Variants in KLF3 observed in about 807,000 individuals in gnomAD.
KLF3 encodes the protein Krueppel-like factor 3.
Under a neutral mutation model 32.7 loss-of-function variants are expected in KLF3, and 6 were observed. The ratio of observed to expected loss-of-function variants is 0.18; its 90% CI spans 0.10 to 0.36. The LOEUF is 0.36. KLF3 is among the 10% of genes least tolerant of loss of function. The probability of loss-of-function intolerance (pLI) is 1.00; values close to 1 mark genes in which losing one functional copy is unlikely to be tolerated. For synonymous variants in KLF3, 145 were observed against 172.8 expected (o/e 0.84, Z 1.26); for missense variants, 338 against 449.7 (o/e 0.75, Z 2.25).
chr4:38,683,482 C>G (rs894447515), intron 2 of KLF3, among the ~76,000 whole-genome samples: 2 of 152,060 alleles, frequency 1.3e-5, no homozygotes, highest in African/African-American at 2.4e-5. Context: ...AGGAGACTCT[C>G]CCTCCCCAAG....
At chr4:38,682,542 G>A (rs1190863794) in intron 2 of KLF3, among the ~76,000 whole-genome samples, 1 of 152,178 alleles carries the variant, frequency 6.6e-6, no homozygotes, top group Non-Finnish European at 1.5e-5. Flanking sequence ...TACAATTGGT[G>A]CAGAGCCATC....
rs1438573239 is a variant in KLF3 at position 38,674,795 on chromosome 4, C to T, written c.-39-5792C>T. Among the ~76,000 whole-genome samples, 1 of 142,586 alleles carries T rather than the reference C, an allele frequency of 7.0e-6. No individual in the cohort carries two copies. The highest frequency in any genetic ancestry group is 2.7e-5 in the African/African-American group (1 of 37,642). 93.5% of individuals were successfully genotyped at this position (142,586 alleles called of 152,430 possible). ...TAACCCCAAGAAACAGGAAACTGCT[C>T]CTGATACGTACACATTCTCTCTCCA... On this transcript the variant is annotated intron_variant, in intron 1 of 5. Coordinates refer to ENST00000261438, the MANE Select transcript of KLF3 (RefSeq NM_016531.6). This position sits in a 1 kb window ranked among gnomAD's most constrained non-coding sequence, Gnocchi z 4.1.
intron 5 of KLF3, among the ~76,000 whole-genome samples, chr4:38,696,869 TCTC>T (rs1335072133): frequency 6.6e-6 from 1 of 152,186 alleles, no homozygotes; most frequent in Non-Finnish European, 1.5e-5. Flanking sequence ...CTCTTAAAAT[TCTC>T]CTCCCGTTTT....
intron 5 of KLF3, among the ~76,000 whole-genome samples, chr4:38,696,220 G>A (rs1238368071): frequency 6.7e-6 from 1 of 148,488 alleles, no homozygotes; most frequent in East Asian, 2.0e-4. Flanking sequence ...GCCTCTTTGT[G>A]TGTGTATTCT....
chr4:38,690,583 A>C (rs1038728674), intron 4 of KLF3: 1 of 151,984 alleles, frequency 6.6e-6, no homozygotes, highest in Non-Finnish European at 1.5e-5. Flanking sequence ...TTGCTGCCCC[A>C]TTTCTGTTTT....
intron 3 of KLF3, 130 bp downstream of exon 3, chr4:38,689,201 G>A (rs942806158): frequency 1.2e-5 from 14 of 1,168,388 alleles, no homozygotes; most frequent in Non-Finnish European, 1.7e-5. Flanking sequence ...TCTGCCTAAG[G>A]CATTTCCTTC....
intron 2 of KLF3, among the ~76,000 whole-genome samples, chr4:38,685,927 C>T (rs1722679518): frequency 6.6e-6 from 1 of 152,132 alleles, no homozygotes; most frequent in African/African-American, 2.4e-5. Context: ...GAACCTTGTG[C>T]CTCTTTTAAT....
chr4:38,667,194 A>G lies in KLF3; in HGVS notation c.-40+2733A>G, dbSNP rs186828755. 2.6e-5 allele frequency among the ~76,000 whole-genome samples: 4 copies of G among 152,276 alleles called. No individual in the cohort carries two copies. The East Asian group carries it at 5.8e-4, about 22-fold the overall frequency. On this transcript the variant is annotated intron_variant, in intron 1 of 5. Transcript: ENST00000261438. Reference sequence around the variant, plus strand: ...TAAAAAACTCCAGCTGCTCATGAATATAGGGTCAGGGAGGGCCGGCTAAAT... The same window carrying G: ...TAAAAAACTCCAGCTGCTCATGAATGTAGGGTCAGGGAGGGCCGGCTAAAT...
Position 38,688,172 on chromosome 4 carries a change from C to T in KLF3, c.58-413C>T, listed in dbSNP as rs1396019656. On this transcript the variant is annotated intron_variant, in intron 2 of 5. Coordinates refer to ENST00000261438, the MANE Select transcript of KLF3 (RefSeq NM_016531.6). This position sits in a 1 kb window ranked among gnomAD's most constrained non-coding sequence, Gnocchi z 4.9. Reference sequence around the variant, plus strand: ...TTTCCTGCTCATCAAGAAACCCCACCAGAAAAGCAACCAGGTTGGTTTGGC... The same window carrying T: ...TTTCCTGCTCATCAAGAAACCCCACTAGAAAAGCAACCAGGTTGGTTTGGC... Among the ~76,000 whole-genome samples the T allele has an allele frequency of 6.6e-6, 1 of 152,216 alleles. No individual in the cohort carries two copies. Among genetic ancestry groups the T allele is most frequent in the Non-Finnish European group, 1.5e-5 (1 of 68,038 alleles).
Position 38,671,510 on chromosome 4 carries a change from G to A in KLF3, c.-40+7049G>A, listed in dbSNP as rs542032666. ...ACTAATGTAAACAGACTGTCCCCAC[G>A]TTCTGTCTTCTCCGGGGACCAACCT... On this transcript the variant is annotated intron_variant, in intron 1 of 5. Transcript: ENST00000261438. The surrounding 1 kb of genome is among the most constrained non-coding windows in gnomAD (Gnocchi z 4.4). 7.8e-4 allele frequency among the ~76,000 whole-genome samples: 119 copies of A among 152,282 alleles called. No homozygotes were observed. Among genetic ancestry groups the A allele is most frequent in the African/African-American group, 2.5e-3 (104 of 41,550 alleles).
chr4:38,690,969 A>G (rs572167917), intron 4 of KLF3, among the ~76,000 whole-genome samples: 1 of 152,242 alleles, frequency 6.6e-6, no homozygotes, highest in African/African-American at 2.4e-5. Context: ...TTGGGTTGTC[A>G]TATGCTCCCC....
In KLF3 at chr4:38,692,535, C is replaced by T. The variant is rs184668875; in HGVS notation, c.696-2211C>T. On this transcript the variant is annotated intron_variant, in intron 4 of 5. Coordinates refer to ENST00000261438, the MANE Select transcript of KLF3 (RefSeq NM_016531.6). ...TTTATCTTGGGAACAGACATTGTTC[C>T]GAGATATAACCTTCTGAGATAACAT... 4.7e-4 allele frequency among the ~76,000 whole-genome samples: 71 copies of T among 152,172 alleles called. 1 individual carries two copies. The East Asian group carries it at 0.012, about 26-fold the overall frequency.
chr4:38,692,813 C>G (rs1332680435), intron 4 of KLF3, among the ~76,000 whole-genome samples: 2 of 152,036 alleles, frequency 1.3e-5, no homozygotes, highest in Non-Finnish European at 2.9e-5. Flanking sequence ...AAGATAGTCT[C>G]CCAGTATCCC....
Position 38,698,555 on chromosome 4 carries a change from T to C in KLF3, c.*1292T>C, listed in dbSNP as rs1224334346. On this transcript the variant is annotated 3_prime_UTR_variant, in exon 6 of 6. Transcript: ENST00000261438. The stretch of plus-strand genomic sequence containing the variant: ...TATTTTGGGAATTTATGAGAAAATA[T>C]AGAAAACCACAGATCAGGGATTCAT... The C allele has an allele frequency of 1.3e-5, 2 of 152,618 alleles. No homozygotes were observed. The highest frequency in any genetic ancestry group is 2.9e-5 in the Non-Finnish European group (2 of 68,028). The allele number at this position is 152,618 out of a possible 1,614,324, so 9.5% of individuals were successfully genotyped here.
intron 1 of KLF3, among the ~76,000 whole-genome samples, chr4:38,672,919 G>A (rs1722240887): frequency 6.6e-6 from 1 of 151,520 alleles, no homozygotes; most frequent in African/African-American, 2.4e-5. Context: ...AGGTTTCCAT[G>A]GTGAAGGACC....
At chr4:38,668,395 T>C (rs567867218) in intron 1 of KLF3, among the ~76,000 whole-genome samples, 1 of 152,126 alleles carries the variant, frequency 6.6e-6, no homozygotes, top group African/African-American at 2.4e-5. Flanking sequence ...AAAGAGTTGC[T>C]GAAGCAGCAA....
rs1723071051 is a variant in KLF3 at position 38,697,337 on chromosome 4, A to G, written c.*74A>G. On this transcript the variant is annotated 3_prime_UTR_variant, in exon 6 of 6. Transcript: ENST00000261438. The stretch of plus-strand genomic sequence containing the variant: ...TCTCTGTCCTGCCTCCCATTATCTA[A>G]CACATTTTTTACATGTACATTTTAA... The G allele has an allele frequency of 1.5e-6, 2 of 1,323,606 alleles. No homozygotes were observed. The highest frequency in any genetic ancestry group is 1.5e-5 in the African/African-American group (1 of 67,764). The allele number at this position is 1,323,606 out of a possible 1,614,324, so 82.0% of individuals were successfully genotyped here. A position where few individuals can be genotyped will look rare whatever the true frequency, so the allele number is the denominator to read the frequency against.
intron 1 of KLF3, among the ~76,000 whole-genome samples, chr4:38,679,586 A>G (rs974686121): frequency 6.6e-6 from 1 of 152,232 alleles, no homozygotes; most frequent in Non-Finnish European, 1.5e-5. Flanking sequence ...AAAGAGGCTC[A>G]TTGCTGTTCG....
intron 2 of KLF3, among the ~76,000 whole-genome samples, chr4:38,685,253 A>G (rs553290727): frequency 7.9e-5 from 12 of 152,284 alleles, no homozygotes; most frequent in African/African-American, 2.9e-4. Flanking sequence ...AATAAAGTGA[A>G]CCAGCTTGAG....
Sources: gnomAD v4.1 joint callset for allele counts (sites outside exome capture counted in the v4.1 genomes callset) on GRCh38, gnomAD v4.1.1 for gene constraint, Gnocchi (gnomAD v3.1) non-coding constraint, MANE v1.5 for transcripts, NCBI Gene and HGNC (gene_info 2026-07-23, HGNC 2026-07-21) for gene names.